Variants in MLH3 observed in about 807,000 individuals in gnomAD.
The protein encoded by MLH3 is DNA mismatch repair protein Mlh3.
A neutral mutation model predicts 122.2 loss-of-function variants in MLH3; 82 were observed. That is an observed-to-expected ratio of 0.67 (90% CI 0.56 to 0.81). The LOEUF (loss-of-function observed/expected upper bound fraction) is 0.81. Ranked by LOEUF, MLH3 falls within the 30% of genes least tolerant of loss-of-function variation. The probability of loss-of-function intolerance (pLI) is 0.00; values close to 1 mark genes in which losing one functional copy is unlikely to be tolerated. For missense variants in MLH3, 1,539 were observed against 1,714.5 expected, an observed-to-expected ratio of 0.90 and a Z score of 1.81; for synonymous variants, 524 against 599.5, an observed-to-expected ratio of 0.87 and a Z score of 1.84.
chr14:75,040,105 AT>A (rs34220077), intron 4 of MLH3, 90 bp from the exon 5 acceptor site: 1 of 673,560 alleles, frequency 1.5e-6, no homozygotes, highest in South Asian at 1.4e-5. Flanking sequence ...AAAAGCATTC[AT>A]TTTTATTTAG....
chr14:75,034,028 A>C (rs1238166463), intron 6 of MLH3, among the ~76,000 whole-genome samples: 1 of 152,004 alleles, frequency 6.6e-6, no homozygotes, highest in Admixed American at 6.6e-5. Context: ...CCCTGTCTCT[A>C]CTAAAAATAC....
chr14:75,022,715 A>G, intron 11 of MLH3, 99 bp downstream of exon 11: 1 of 995,934 alleles, frequency 1.0e-6, no homozygotes, highest in Non-Finnish European at 1.6e-6. Flanking sequence ...TCCAAGAGTC[A>G]AGTAGTAAAT....
intron 11 of MLH3, among the ~76,000 whole-genome samples, chr14:75,022,211 A>G (rs1484041892): frequency 1.3e-5 from 2 of 152,208 alleles, no homozygotes; most frequent in Non-Finnish European, 2.9e-5. Flanking sequence ...CCTATTGGGT[A>G]CTATGCTCAT....
intron 6 of MLH3, among the ~76,000 whole-genome samples, chr14:75,037,305 C>A (rs932350462): frequency 1.3e-5 from 2 of 152,186 alleles, no homozygotes; most frequent in East Asian, 1.9e-4. Context: ...CTGATGAAAT[C>A]AAATCTCCCA....
At position 75,049,507 on chromosome 14, in the gene MLH3, A is replaced by T. The variant is rs148409389; in HGVS notation, c.149T>A (p.Phe50Tyr). The T allele has an allele frequency of 4.8e-4, 778 of 1,614,056 alleles. 1 individual carries two copies. The highest frequency in any genetic ancestry group is 4.6e-4 in the Non-Finnish European group (546 of 1,180,026). ...CVAVRVNMETFQVQVIDNGFG... is the reference protein window; with the variant it reads ...CVAVRVNMETYQVQVIDNGFG... ...TCCATTGTCTATCACTTGAACTTGGAAGGTTTCCATATTCACCCTGACAGC... is the reference window on the plus strand; with the variant it reads ...TCCATTGTCTATCACTTGAACTTGGTAGGTTTCCATATTCACCCTGACAGC... The change falls in exon 2 of 13, where the codon TTC becomes TAC. Residue 50 changes from phenylalanine to tyrosine, a missense_variant. Phe to Tyr is a conservative substitution (Grantham distance 22). Transcript: ENST00000355774.
intron 2 of MLH3, among the ~76,000 whole-genome samples, chr14:75,044,062 C>T (rs895726786): frequency 2.0e-5 from 3 of 151,830 alleles, no homozygotes; most frequent in African/African-American, 7.3e-5. Flanking sequence ...TCACTTTAGC[C>T]TGGGCAACAA....
chr14:75,039,980 G>T lies in MLH3; in HGVS notation c.3501C>A (p.Ser1167Arg). The T allele has an allele frequency of 6.2e-7, 1 of 1,600,052 alleles. No homozygotes were observed. Among genetic ancestry groups the T allele is most frequent in the Non-Finnish European group, 8.5e-7 (1 of 1,170,436 alleles). ...AGATGTTGTGAATTTTAACTGCTAA[G>T]CTCTCAGCCTGGCCACTGCTTACAT... ...AVDVSSGQAE[S>R]LAVKIHNILY... Residue 1167 changes from serine (S) to arginine (R), a missense_variant, in exon 5 of 13, where the codon AGC becomes AGA. Coordinates refer to ENST00000355774, the MANE Select transcript of MLH3 (RefSeq NM_001040108.2).
At chr14:75,030,016 T>C (rs952103153) in intron 9 of MLH3, among the ~76,000 whole-genome samples, 1 of 150,038 alleles carries the variant, frequency 6.7e-6, no homozygotes, top group Non-Finnish European at 1.5e-5. Flanking sequence ...TAGCCAGGCA[T>C]GGTGGTGCGT....
At chr14:75,021,208 A>G (rs1456239855) in intron 11 of MLH3, among the ~76,000 whole-genome samples, 1 of 152,200 alleles carries the variant, frequency 6.6e-6, no homozygotes. Context: ...ACCCTAGAAG[A>G]AAACCTCAGA....
intron 6 of MLH3, chr14:75,036,567 C>G (rs1891426214): frequency 2.3e-6 from 1 of 438,236 alleles, no homozygotes; most frequent in South Asian, 1.6e-5. Flanking sequence ...CTGGTCTCAA[C>G]TCCTGACCTC....
At chr14:75,035,625 T>C (rs976879491) in intron 6 of MLH3, among the ~76,000 whole-genome samples, 7 of 152,242 alleles carry the variant, frequency 4.6e-5, no homozygotes, top group African/African-American at 1.7e-4. Context: ...GACAGAACTT[T>C]AGGTTAATTT....
rs143573376 is a variant in MLH3, at chr14:75,047,613, A to G, written c.2043T>C (p.Tyr681=). Residue 681 remains tyrosine, a synonymous_variant, in exon 2 of 13, where the codon TAT becomes TAC. Transcript: ENST00000355774. ...TTGCTGTAGGTTCATTCTCTAGCCCATAACTTATATTCGTTCTGCAATTTT... is the reference window on the plus strand; with the variant it reads ...TTGCTGTAGGTTCATTCTCTAGCCCGTAACTTATATTCGTTCTGCAATTTT... ...NKKNCRTNIS[Y]GLENEPTATY... 1.0e-4 allele frequency: 165 copies of G among 1,614,092 alleles called. No homozygotes were observed. In the African/African-American group the frequency reaches 1.9e-3, roughly 18 times the overall value.
rs777983397 is a variant in MLH3 at position 75,017,071 on chromosome 14, T to G, written c.*11A>C. 2 of 1,613,470 alleles carry G rather than the reference T, an allele frequency of 1.2e-6. No homozygotes were observed. The highest frequency in any genetic ancestry group is 1.7e-6 in the Non-Finnish European group (2 of 1,179,570). ...CATCCCTTTGTTCCTTTTAGACCAG[T>G]GATTCTGTTCTCATGGTGGCTCACA... On this transcript the variant is annotated 3_prime_UTR_variant, in exon 13 of 13. Transcript: ENST00000355774.
intron 2 of MLH3, among the ~76,000 whole-genome samples, 194 bp from the exon 3 acceptor site, chr14:75,042,671 G>C (rs1285144530): frequency 1.3e-5 from 2 of 152,044 alleles, no homozygotes; most frequent in Non-Finnish European, 2.9e-5. Context: ...TTAATGCTTA[G>C]TTCCATTATC....
rs200678750 is a variant in MLH3, at chr14:75,040,040, T to C, written c.3466-25A>G. On this transcript the variant is annotated intron_variant, in intron 4 of 12. Transcript: ENST00000355774. ...CCTAGAAAGACTCAGCAAAATATAATTGAAATTTTAATTTTTGTGTCAGAA... is the reference window on the plus strand; with the variant it reads ...CCTAGAAAGACTCAGCAAAATATAACTGAAATTTTAATTTTTGTGTCAGAA... The C allele has an allele frequency of 1.8e-4, 226 of 1,231,418 alleles. No individual in the cohort carries two copies. The highest frequency in any genetic ancestry group is 1.2e-3 in the East Asian group (48 of 41,374). 76.3% of individuals were successfully genotyped at this position (1,231,418 alleles called of 1,614,324 possible). A position where few individuals can be genotyped will look rare whatever the true frequency, so the allele number is the denominator to read the frequency against.
chr14:75,017,262 G>A, intron 12 of MLH3, 61 bp from the exon 13 acceptor site: 1 of 1,572,112 alleles, frequency 6.4e-7, no homozygotes, highest in East Asian at 2.3e-5. Context: ...ATACAGGCTG[G>A]GCGAGGTGAC....
rs756087550 is a variant in MLH3 at position 75,032,132 on chromosome 14, G to C, written c.3763C>G (p.Leu1255Val). The C allele has an allele frequency of 6.2e-7, 1 of 1,614,024 alleles. No homozygotes were observed. The highest frequency in any genetic ancestry group is 8.5e-7 in the Non-Finnish European group (1 of 1,179,898). The change falls in exon 8 of 13, where the codon CTG becomes GTG. Residue 1255 changes from leucine to valine, a missense_variant. Coordinates refer to ENST00000355774, the MANE Select transcript of MLH3 (RefSeq NM_001040108.2). ...QAQGSGRKKL[L>V]SSTLIPPLEI... ...AGCGGAGGAATTAGAGTAGAAGACA[G>C]TAATTTTTTCCGACCAGAGCCTTGT... is the stretch of plus-strand genomic sequence containing the variant.
Position 75,047,055 on chromosome 14 carries a change from C to T in MLH3, c.2601G>A (p.Glu867=). 1 of 1,614,154 alleles carries T rather than the reference C, an allele frequency of 6.2e-7. No individual in the cohort carries two copies. The highest frequency in any genetic ancestry group is 2.2e-5 in the East Asian group (1 of 44,872). ...TAGAGGCTAGTGATTCAGATGACTT[C>T]TCAAGGTCCAAAGGTTTTCTATTAA... ...SLFNRKPLDL[E]KSSESLASKL... The change falls in exon 2 of 13, where the codon GAG becomes GAA. Residue 867 remains glutamate (E), a synonymous_variant. Transcript: ENST00000355774.
intron 11 of MLH3, 196 bp from the exon 12 acceptor site, chr14:75,019,176 C>T: frequency 1.8e-6 from 1 of 561,632 alleles, no homozygotes; most frequent in Non-Finnish European, 3.2e-6. Context: ...CTTTGGGAGG[C>T]TGAGGCGGGC....
Sources: allele counts gnomAD v4.1 joint callset (sites outside exome capture counted in the v4.1 genomes callset), GRCh38; gene constraint gnomAD v4.1.1; transcripts MANE v1.5; gene names NCBI Gene and HGNC (gene_info 2026-07-23, HGNC 2026-07-21).